NRXN3: variants seen among roughly 807,000 people sequenced by gnomAD.
NRXN3 encodes neurexin 3, also known as neurexin III.
NRXN3 carries 32 observed loss-of-function variants against 137.6 expected under a neutral mutation model. The ratio of observed to expected loss-of-function variants is 0.23; its 90% confidence interval spans 0.18 to 0.31. NRXN3 has a LOEUF of 0.31. Ranked by LOEUF, NRXN3 falls within the 10% of genes least tolerant of loss-of-function variation. The probability of loss-of-function intolerance (pLI) is 1.00; values close to 1 mark genes in which losing one functional copy is unlikely to be tolerated. For synonymous variants in NRXN3, 798 were observed against 784.5 expected, an observed-to-expected ratio of 1.02 and a Z score of -0.29; for missense variants, 1,574 against 2,062.5, an observed-to-expected ratio of 0.76 and a Z score of 4.59.
chr14:79,186,638 G>T (rs971704924), intron 15 of NRXN3, among the ~76,000 whole-genome samples: 10 of 152,156 alleles, frequency 6.6e-5, no homozygotes, highest in African/African-American at 2.4e-4. Flanking sequence ...GATCTCACTT[G>T]GGTGGTAGTT....
intron 12 of NRXN3, 133 bp downstream of exon 12, chr14:78,966,539 T>G: frequency 1.1e-6 from 1 of 932,662 alleles, no homozygotes; most frequent in South Asian, 1.9e-5. Flanking sequence ...GCATCTTCCT[T>G]GATTAAATGG....
rs372963278 is a variant in NRXN3 at position 79,751,121 on chromosome 14, G to A, written c.4014+53184G>A. ...AATTCTGTGAAGAAAGTCATTGGTA[G>A]CTTGATGGGGATGGCATTGAATCTG... is the stretch of plus-strand genomic sequence containing the variant. On this transcript the variant is annotated intron_variant, in intron 19 of 20. Coordinates refer to ENST00000335750, the MANE Select transcript of NRXN3 (RefSeq NM_001330195.2). Among the ~76,000 whole-genome samples, 73 of 152,088 alleles carry A rather than the reference G, an allele frequency of 4.8e-4. 1 individual carries two copies. The East Asian group carries it at 0.011, about 24-fold the overall frequency.
chr14:78,761,348 C>T lies in NRXN3; in HGVS notation c.2045-42272C>T, dbSNP rs997863597. ...GTCAAGATTAATGATTCCTTGGCTA[C>T]CAGTGGGCTGAGAGTGTGAAAGTCA... On this transcript the variant is annotated intron_variant, in intron 8 of 20. Transcript: ENST00000335750. Among the ~76,000 whole-genome samples, 3 of 152,202 alleles carry T rather than the reference C, an allele frequency of 2.0e-5. No homozygotes were observed. In the East Asian group the frequency reaches 5.8e-4, roughly 29 times the overall value.
intron 4 of NRXN3, among the ~76,000 whole-genome samples, chr14:78,391,726 G>A (rs1279028755): frequency 6.6e-6 from 1 of 152,084 alleles, no homozygotes; most frequent in Admixed American, 6.6e-5. Flanking sequence ...AAAGAAAACA[G>A]AAAAGCAAAG....
At chr14:79,510,366 T>C (rs1196432473) in intron 16 of NRXN3, among the ~76,000 whole-genome samples, 1 of 152,172 alleles carries the variant, frequency 6.6e-6, no homozygotes. Context: ...GGGGAATTGA[T>C]AGGCTCATGA....
intron 4 of NRXN3, among the ~76,000 whole-genome samples, chr14:78,331,696 C>A (rs1353631340): frequency 1.3e-5 from 2 of 152,088 alleles, no homozygotes; most frequent in Admixed American, 6.6e-5. Flanking sequence ...CTGTTCACTT[C>A]CAAAGAAATG....
intron 16 of NRXN3, among the ~76,000 whole-genome samples, chr14:79,523,148 T>A (rs1165331214): frequency 6.6e-6 from 1 of 152,198 alleles, no homozygotes; most frequent in African/African-American, 2.4e-5. Flanking sequence ...TAACATTGGT[T>A]AAACTTTGAA....
chr14:78,571,233 A>T (rs1208518115), intron 4 of NRXN3, among the ~76,000 whole-genome samples: 3 of 152,020 alleles, frequency 2.0e-5, no homozygotes, highest in Non-Finnish European at 4.4e-5. Context: ...ATAACTGACC[A>T]CTCTCTGGAG....
intron 15 of NRXN3, among the ~76,000 whole-genome samples, chr14:79,180,709 G>GA (rs568047556): frequency 4.3e-4 from 65 of 152,176 alleles, no homozygotes; most frequent in African/African-American, 1.5e-3. Flanking sequence ...TTGAAAATTA[G>GA]AATCACAGGG....
chr14:79,414,448 A>G (rs1708307114), intron 15 of NRXN3, among the ~76,000 whole-genome samples: 1 of 152,096 alleles, frequency 6.6e-6, no homozygotes, highest in Admixed American at 6.6e-5. Flanking sequence ...TAAATTTTAT[A>G]ATTTCAAATT....
In NRXN3 at chr14:78,913,957, C is replaced by T. The variant is rs530690802; in HGVS notation, c.2276-43285C>T. On this transcript the variant is annotated intron_variant, in intron 10 of 20. Coordinates refer to ENST00000335750, the MANE Select transcript of NRXN3 (RefSeq NM_001330195.2). ...TGGCTCCCTGGCAGCCCTAAAGACT[C>T]TGCCTGGACTGACACATCCCAGTCC... is the stretch of plus-strand genomic sequence containing the variant. 1.6e-4 allele frequency among the ~76,000 whole-genome samples: 24 copies of T among 152,286 alleles called. 1 individual carries two copies. The South Asian group carries it at 5.0e-3, about 32-fold the overall frequency.
At chr14:78,972,520 G>T (rs2099446048) in intron 14 of NRXN3, among the ~76,000 whole-genome samples, 1 of 152,130 alleles carries the variant, frequency 6.6e-6, no homozygotes. Context: ...CCATCTGATT[G>T]CACACACGTG....
chr14:78,707,094 T>G (rs1415558816), intron 6 of NRXN3, among the ~76,000 whole-genome samples: 1 of 152,234 alleles, frequency 6.6e-6, no homozygotes, highest in Non-Finnish European at 1.5e-5. Context: ...CTGCGACTTT[T>G]GTGCCCTTAT....
intron 15 of NRXN3, among the ~76,000 whole-genome samples, chr14:79,135,597 A>G (rs770832965): frequency 1.3e-5 from 2 of 152,154 alleles, no homozygotes; most frequent in Admixed American, 6.5e-5. Context: ...AATCCACAGT[A>G]TCTCTCTCCC....
At chr14:79,490,274 A>T (rs559080183) in intron 16 of NRXN3, among the ~76,000 whole-genome samples, 97 of 152,258 alleles carry the variant, frequency 6.4e-4, no homozygotes, top group African/African-American at 2.3e-3. Flanking sequence ...AAAAACTAAA[A>T]AATTGAGCTA....
intron 15 of NRXN3, among the ~76,000 whole-genome samples, chr14:79,391,824 A>G (rs571739763): frequency 3.9e-5 from 6 of 152,282 alleles, no homozygotes; most frequent in Non-Finnish European, 8.8e-5. Flanking sequence ...CCTCTTTTCA[A>G]CTGCACATGT....
chr14:79,586,336 A>G (rs1435123374), intron 16 of NRXN3, among the ~76,000 whole-genome samples: 1 of 152,254 alleles, frequency 6.6e-6, no homozygotes, highest in Non-Finnish European at 1.5e-5. Flanking sequence ...AAAGAATGTA[A>G]AATAGAAAAA....
chr14:79,632,564 C>T (rs532656376), intron 16 of NRXN3, among the ~76,000 whole-genome samples: 13 of 152,288 alleles, frequency 8.5e-5, no homozygotes, highest in Non-Finnish European at 1.6e-4. Flanking sequence ...TCACTGAGAG[C>T]AATCATTGAC....
At chr14:78,839,165 A>G (rs2099005237) in intron 10 of NRXN3, among the ~76,000 whole-genome samples, 1 of 152,192 alleles carries the variant, frequency 6.6e-6, no homozygotes, top group East Asian at 1.9e-4. Context: ...ATATATGACT[A>G]GAAGAGCTGC....
Sources: allele counts gnomAD v4.1 joint callset (sites outside exome capture counted in the v4.1 genomes callset), GRCh38; gene constraint gnomAD v4.1.1; transcripts MANE v1.5; gene names NCBI Gene and HGNC (gene_info 2026-07-23, HGNC 2026-07-21).